Variants in MACROD2 observed in about 807,000 individuals in gnomAD.
The protein encoded by MACROD2 is mono-ADP ribosylhydrolase 2.
A neutral mutation model predicts 70.4 loss-of-function variants in MACROD2; 36 were observed. The observed-to-expected ratio is 0.51, with a 90% confidence interval of 0.39 to 0.68. The LOEUF is 0.68. Among genes scored for constraint, MACROD2 ranks in the 30% least tolerant of loss-of-function variants. The pLI is 0.00. For synonymous variants in MACROD2, 172 were observed against 178.8 expected (o/e 0.96, Z 0.30); for missense variants, 496 against 538.4 (o/e 0.92, Z 0.78).
At chr20:15,570,267 G>A (rs1360143169) in intron 8 of MACROD2, among the ~76,000 whole-genome samples, 2 of 152,028 alleles carry the variant, frequency 1.3e-5, no homozygotes, top group Admixed American at 6.6e-5. Context: ...GTTTTGTGTG[G>A]TTTTAATTTG....
At chr20:15,528,724 G>T (rs1449148528) in intron 8 of MACROD2, among the ~76,000 whole-genome samples, 39 of 143,012 alleles carry the variant, frequency 2.7e-4, no homozygotes, top group East Asian at 2.3e-3. Context: ...CAGTTATGTG[G>T]TTTTTTTTTT....
intron 8 of MACROD2, among the ~76,000 whole-genome samples, chr20:15,795,846 C>T (rs908741008): frequency 2.0e-5 from 3 of 152,214 alleles, no homozygotes; most frequent in Admixed American, 6.5e-5. Context: ...ACTGTATGCA[C>T]ACATTTCAAT....
chr20:15,708,075 T>A (rs558442720), intron 8 of MACROD2, among the ~76,000 whole-genome samples: 1 of 151,518 alleles, frequency 6.6e-6, no homozygotes, highest in East Asian at 2.0e-4. Flanking sequence ...TCTGCACTTC[T>A]GCCAGAAGAG....
chr20:14,409,687 C>T (rs1428122823), intron 3 of MACROD2, among the ~76,000 whole-genome samples: 1 of 152,076 alleles, frequency 6.6e-6, no homozygotes, highest in Non-Finnish European at 1.5e-5. Context: ...CAAATCTCCA[C>T]CTTATCCTAA....
intron 3 of MACROD2, among the ~76,000 whole-genome samples, chr20:14,471,476 A>G (rs774575962): frequency 1.3e-5 from 2 of 152,110 alleles, no homozygotes; most frequent in Non-Finnish European, 2.9e-5. Flanking sequence ...GTGAGGTTTA[A>G]TGGGCTTCAG....
At chr20:14,340,226 A>G (rs1001923327) in intron 3 of MACROD2, among the ~76,000 whole-genome samples, 1 of 152,198 alleles carries the variant, frequency 6.6e-6, no homozygotes, top group Non-Finnish European at 1.5e-5. Context: ...AGGGTAGAGG[A>G]CAACCAGTGT....
chr20:15,458,086 C>A (rs6135414), intron 7 of MACROD2, among the ~76,000 whole-genome samples: 1 of 151,878 alleles, frequency 6.6e-6, no homozygotes, highest in Non-Finnish European at 1.5e-5. Flanking sequence ...TACATTTTTC[C>A]AATTATTTCC....
chr20:15,834,671 C>T (rs4814403), intron 8 of MACROD2, among the ~76,000 whole-genome samples: 98,584 of 152,102 alleles, frequency 0.65, 32,153 homozygotes, highest in Middle Eastern at 0.73. Context: ...ACCATCTTTG[C>T]AACCCTGAAG....
chr20:14,533,258 A>G (rs1295465628), intron 4 of MACROD2, among the ~76,000 whole-genome samples: 4 of 152,208 alleles, frequency 2.6e-5, no homozygotes, highest in Non-Finnish European at 4.4e-5. Flanking sequence ...ATTTCTGTCT[A>G]TAAAGTCAAC....
At chr20:14,525,193 A>G (rs1055820540) in intron 4 of MACROD2, among the ~76,000 whole-genome samples, 1 of 152,210 alleles carries the variant, frequency 6.6e-6, no homozygotes, top group Non-Finnish European at 1.5e-5. Flanking sequence ...CAGTCTAATT[A>G]CCATGTATAA....
intron 9 of MACROD2, among the ~76,000 whole-genome samples, chr20:15,884,144 G>T (rs1267441373): frequency 6.6e-6 from 1 of 152,042 alleles, no homozygotes; most frequent in Middle Eastern, 3.2e-3. Context: ...GGATGGAGGA[G>T]CCAGGATGCA....
At chr20:14,215,235 T>C (rs2081608732) in intron 3 of MACROD2, among the ~76,000 whole-genome samples, 1 of 150,688 alleles carries the variant, frequency 6.6e-6, no homozygotes, top group Non-Finnish European at 1.5e-5. Context: ...CCATCATATA[T>C]ATATTCCATC....
chr20:15,117,939 A>G (rs73096099), intron 5 of MACROD2, among the ~76,000 whole-genome samples: 32,592 of 151,474 alleles, frequency 0.22, 4,817 homozygotes, highest in Non-Finnish European at 0.32. Context: ...GAATCAGTCA[A>G]TGTTTTTTGT....
intron 3 of MACROD2, among the ~76,000 whole-genome samples, chr20:14,142,379 C>A (rs1433494517): frequency 6.6e-6 from 1 of 152,094 alleles, no homozygotes; most frequent in Non-Finnish European, 1.5e-5. Flanking sequence ...GCTTAGCGAC[C>A]ACAGGTTTTT....
In MACROD2 at chr20:15,184,980, T is replaced by C. The variant is rs553796670; in HGVS notation, c.419-44960T>C. Among the ~76,000 whole-genome samples the C allele has an allele frequency of 3.9e-3, 587 of 152,296 alleles. 3 individuals are homozygous for C. The highest frequency in any genetic ancestry group is 0.013 in the South Asian group (65 of 4,824). On this transcript the variant is annotated intron_variant, in intron 5 of 17. Transcript: ENST00000684519. The stretch of plus-strand genomic sequence containing the variant: ...GCATTCAAACAACTCTATGATAATA[T>C]GATGGGAGCTTTAATGGACTACTAA...
intron 5 of MACROD2, among the ~76,000 whole-genome samples, chr20:15,200,046 TAAAAA>T: frequency 7.0e-6 from 1 of 143,504 alleles, no homozygotes; most frequent in East Asian, 1.9e-4. Context: ...AAATAACCGT[TAAAAA>T]TAAGAGGAGA....
intron 6 of MACROD2, among the ~76,000 whole-genome samples, chr20:15,269,552 C>T (rs747912232): frequency 2.6e-5 from 4 of 152,182 alleles, no homozygotes; most frequent in Admixed American, 1.3e-4. Flanking sequence ...AGATGATAGT[C>T]AGCAGTGAAT....
At chr20:14,643,950 C>T (rs893751413) in intron 4 of MACROD2, among the ~76,000 whole-genome samples, 3 of 151,962 alleles carry the variant, frequency 2.0e-5, no homozygotes, top group Non-Finnish European at 4.4e-5. Context: ...TGTAGTTAGT[C>T]ATCTATAACA....
At chr20:15,950,052 A>C (rs2065883328) in intron 12 of MACROD2, among the ~76,000 whole-genome samples, 1 of 152,180 alleles carries the variant, frequency 6.6e-6, no homozygotes, top group South Asian at 2.1e-4. Flanking sequence ...ATAAAAAATA[A>C]TATTTGGAGT....
Sources: allele counts gnomAD v4.1 joint callset (sites outside exome capture counted in the v4.1 genomes callset), GRCh38; gene constraint gnomAD v4.1.1; transcripts MANE v1.5; gene names NCBI Gene and HGNC (gene_info 2026-07-23, HGNC 2026-07-21).